Variants in GRM8 observed in about 807,000 individuals in gnomAD.
The protein encoded by GRM8 is metabotropic glutamate receptor 8.
A neutral mutation model predicts 87.2 loss-of-function variants in GRM8; 47 were observed. The ratio of observed to expected loss-of-function variants is 0.54; its 90% confidence interval spans 0.43 to 0.69. GRM8 has a LOEUF of 0.69. Ranked by LOEUF, GRM8 falls within the 30% of genes least tolerant of loss-of-function variation. The probability of loss-of-function intolerance (pLI) is 0.00; values close to 1 mark genes in which losing one functional copy is unlikely to be tolerated. For synonymous variants in GRM8, 396 were observed against 404.5 expected (o/e 0.98, Z 0.25); for missense variants, 1,019 against 1,139.2 (o/e 0.89, Z 1.52).
chr7:126,753,795 G>C (rs1816705387), intron 7 of GRM8, among the ~76,000 whole-genome samples: 1 of 151,764 alleles, frequency 6.6e-6, no homozygotes, highest in East Asian at 1.9e-4. Context: ...TAGGCAGGCA[G>C]TTTAAAGCAA....
intron 7 of GRM8, 89 bp from the exon 8 acceptor site, chr7:126,609,587 A>C: frequency 2.1e-6 from 2 of 940,894 alleles, no homozygotes. Context: ...GGTAGATAAA[A>C]ATATATTGTG....
chr7:126,620,666 G>A (rs1800054882), intron 7 of GRM8, among the ~76,000 whole-genome samples: 1 of 135,474 alleles, frequency 7.4e-6, no homozygotes. Context: ...TGCCAAGCAG[G>A]CATAATAACC....
intron 7 of GRM8, among the ~76,000 whole-genome samples, chr7:126,620,554 A>G (rs555633298): frequency 6.6e-6 from 1 of 152,200 alleles, no homozygotes; most frequent in Admixed American, 6.5e-5. Flanking sequence ...GCGCAGGGGA[A>G]GAATATGGGC....
intron 2 of GRM8, among the ~76,000 whole-genome samples, chr7:127,189,433 T>C (rs1021770139): frequency 6.6e-6 from 1 of 152,134 alleles, no homozygotes; most frequent in African/African-American, 2.4e-5. Flanking sequence ...CCAGTTTCTT[T>C]TTCGTTCTCC....
intron 2 of GRM8, among the ~76,000 whole-genome samples, chr7:127,230,740 A>G (rs1369096832): frequency 6.6e-6 from 1 of 152,124 alleles, no homozygotes; most frequent in Non-Finnish European, 1.5e-5. Flanking sequence ...CAGCATCTAT[A>G]AACCAGGGAG....
chr7:126,683,841 A>T (rs1469007994), intron 7 of GRM8, among the ~76,000 whole-genome samples: 1 of 152,218 alleles, frequency 6.6e-6, no homozygotes, highest in Non-Finnish European at 1.5e-5. Flanking sequence ...GTGATGAGTT[A>T]ATAGTAGATT....
chr7:126,985,501 C>G (rs937121198), intron 3 of GRM8, among the ~76,000 whole-genome samples: 1 of 152,196 alleles, frequency 6.6e-6, no homozygotes, highest in African/African-American at 2.4e-5. Flanking sequence ...AGTCCACTTT[C>G]TGTTGCTTAT....
chr7:126,484,024 G>C (rs1807061154), intron 9 of GRM8, among the ~76,000 whole-genome samples: 1 of 151,974 alleles, frequency 6.6e-6, no homozygotes, highest in Non-Finnish European at 1.5e-5. Context: ...AAAGTGCTTT[G>C]CTTCATAATA....
At chr7:126,732,300 A>G (rs530624801) in intron 7 of GRM8, among the ~76,000 whole-genome samples, 26 of 152,174 alleles carry the variant, frequency 1.7e-4, no homozygotes, top group Non-Finnish European at 3.4e-4. Context: ...AAGGCCCATT[A>G]AGAAATTATG....
chr7:127,213,673 T>G (rs551205082), intron 2 of GRM8, among the ~76,000 whole-genome samples: 1 of 152,342 alleles, frequency 6.6e-6, no homozygotes, highest in South Asian at 2.1e-4. Context: ...ATATCTCATA[T>G]TTATCTTCCA....
chr7:127,040,662 G>T (rs750286782), intron 3 of GRM8, among the ~76,000 whole-genome samples: 2 of 151,762 alleles, frequency 1.3e-5, no homozygotes, highest in Non-Finnish European at 2.9e-5. Flanking sequence ...GGACAGTGAT[G>T]GCCCCACTGA....
chr7:127,055,535 A>C (rs1334637053), intron 3 of GRM8, among the ~76,000 whole-genome samples: 2 of 152,174 alleles, frequency 1.3e-5, no homozygotes, highest in African/African-American at 4.8e-5. Context: ...TGCAAACCTG[A>C]AAGAAAATAA....
intron 3 of GRM8, among the ~76,000 whole-genome samples, chr7:127,097,689 T>C (rs1439009868): frequency 3.3e-5 from 5 of 152,162 alleles, no homozygotes; most frequent in South Asian, 2.1e-4. Context: ...AATTATATCA[T>C]TGAATTATTA....
At chr7:127,064,317 T>C (rs987027935) in intron 3 of GRM8, among the ~76,000 whole-genome samples, 5 of 152,220 alleles carry the variant, frequency 3.3e-5, no homozygotes, top group African/African-American at 1.2e-4. Flanking sequence ...GTGTTGAGTG[T>C]ATATATACTT....
chr7:126,503,081 A>G (rs1809892408), intron 9 of GRM8, among the ~76,000 whole-genome samples: 1 of 151,972 alleles, frequency 6.6e-6, no homozygotes, highest in Non-Finnish European at 1.5e-5. Flanking sequence ...AGGAATGGAG[A>G]CAGTATTTAT....
rs17869591 is a variant in GRM8, at chr7:126,994,156, T to C, written c.728-89473A>G. Among the ~76,000 whole-genome samples the C allele has an allele frequency of 9.4e-3, 1,427 of 152,150 alleles. 27 individuals carry two copies. Among genetic ancestry groups the C allele is most frequent in the African/African-American group, 0.033 (1,358 of 41,524 alleles). ...ACCTTGGATGCCAGCTAAACCAACATAGGGTAGATCAGTGGGCAGAGTAGT... is the reference window on the plus strand; with the variant it reads ...ACCTTGGATGCCAGCTAAACCAACACAGGGTAGATCAGTGGGCAGAGTAGT... On this transcript the variant is annotated intron_variant, in intron 3 of 10. Transcript: ENST00000339582.
chr7:126,493,032 G>C (rs1250613183), intron 9 of GRM8, among the ~76,000 whole-genome samples: 1 of 152,062 alleles, frequency 6.6e-6, no homozygotes, highest in Non-Finnish European at 1.5e-5. Flanking sequence ...GTTGGATAAA[G>C]TTGAGAATTT....
intron 2 of GRM8, among the ~76,000 whole-genome samples, chr7:127,180,610 G>C (rs1349625931): frequency 6.6e-6 from 1 of 152,052 alleles, no homozygotes; most frequent in African/African-American, 2.4e-5. Flanking sequence ...CAAAATACTA[G>C]CTAACCGAAT....
chr7:127,072,334 A>C (rs1586917362), intron 3 of GRM8, among the ~76,000 whole-genome samples: 1 of 152,290 alleles, frequency 6.6e-6, no homozygotes, highest in Non-Finnish European at 1.5e-5. Context: ...AAGAGTTCTT[A>C]TGTGCGCCCC....
Sources: allele counts gnomAD v4.1 joint callset (sites outside exome capture counted in the v4.1 genomes callset), GRCh38; gene constraint gnomAD v4.1.1; transcripts MANE v1.5; gene names NCBI Gene and HGNC (gene_info 2026-07-23, HGNC 2026-07-21).